The following AMELY variants were observed in gnomAD, a reference collection of about 807,000 sequenced individuals.
AMELY encodes amelogenin Y-linked.
A neutral mutation model predicts 4.2 loss-of-function variants in AMELY; 4 were observed. The observed-to-expected ratio is 0.96, with a 90% CI of 0.47 to 2.19. The LOEUF (loss-of-function observed/expected upper bound fraction) is 2.19, where lower values mean the gene tolerates loss of function less well. AMELY is among the 30% of genes most tolerant of loss of function. AMELY has a pLI of 0.02. For missense variants in AMELY, 32 were observed against 41.5 expected (o/e 0.77, Z 0.63); for synonymous variants, 11 against 14.7 (o/e 0.75, Z 0.57).
At chrY:6,873,019 A>T in intron 2 of AMELY, among the ~76,000 whole-genome samples, 2 of 33,250 alleles carry the variant, frequency 6.0e-5, no homozygotes, top group Non-Finnish European at 1.5e-4. Context: ...ATTACTACAT[A>T]GCATTTTATT....
chrY:6,910,519 GC>G (rs2011682604), intron 1 of AMELY, among the ~76,000 whole-genome samples: 10 of 32,743 alleles, frequency 3.1e-4, no homozygotes, highest in Non-Finnish European at 6.0e-4. Flanking sequence ...CCCTCAGCTG[GC>G]TGTTGGGGAG....
chrY:6,904,787 GC>G (rs2011658414), intron 1 of AMELY, among the ~76,000 whole-genome samples: 1 of 33,566 alleles, frequency 3.0e-5, no homozygotes, highest in Non-Finnish European at 7.3e-5. Flanking sequence ...GGCTCAGAAA[GC>G]ACCCAGTTCA....
chrY:6,884,115 T>TA (rs2054077096), intron 1 of AMELY, among the ~76,000 whole-genome samples: 1 of 31,871 alleles, frequency 3.1e-5, no homozygotes, highest in Non-Finnish European at 7.6e-5. Flanking sequence ...TATGCAGCCA[T>TA]AAAAAAAGGA....
At chrY:6,883,490 G>C (rs760180789) in intron 1 of AMELY, among the ~76,000 whole-genome samples, 1 of 32,565 alleles carries the variant, frequency 3.1e-5, no homozygotes, top group South Asian at 7.1e-4. Context: ...ATCTAATGTA[G>C]GTGATGAGTT....
intron 1 of AMELY, among the ~76,000 whole-genome samples, chrY:6,896,741 G>A: frequency 6.0e-5 from 2 of 33,450 alleles, no homozygotes. Context: ...GGAACCTGAG[G>A]TGAGAGGATT....
At chrY:6,876,141 T>A (rs2054071730) in intron 1 of AMELY, among the ~76,000 whole-genome samples, 1 of 33,363 alleles carries the variant, frequency 3.0e-5, no homozygotes, top group African/African-American at 1.2e-4. Flanking sequence ...AGTCTTAACA[T>A]ATGGATAACT....
chrY:6,896,061 A>T, intron 1 of AMELY, among the ~76,000 whole-genome samples: 2 of 33,129 alleles, frequency 6.0e-5, no homozygotes. Flanking sequence ...TTTGTCTGTT[A>T]TTGGTGTATA....
At chrY:6,899,918 A>G in intron 1 of AMELY, among the ~76,000 whole-genome samples, 1 of 31,376 alleles carries the variant, frequency 3.2e-5, no homozygotes, top group Non-Finnish European at 7.7e-5. Context: ...GATGGTGTTC[A>G]CCTGTTATCC....
intron 1 of AMELY, among the ~76,000 whole-genome samples, chrY:6,901,717 G>A (rs1053583307): frequency 1.5e-4 from 5 of 33,365 alleles, no homozygotes; most frequent in Admixed American, 8.3e-4. Context: ...TAGGCCCTTT[G>A]CAGGCTGAGG....
chrY:6,904,424 C>T (rs2011657506), intron 1 of AMELY, among the ~76,000 whole-genome samples: 1 of 33,486 alleles, frequency 3.0e-5, no homozygotes, highest in African/African-American at 1.2e-4. Flanking sequence ...CAAAGTTCTG[C>T]CCACTGGGAA....
intron 1 of AMELY, among the ~76,000 whole-genome samples, chrY:6,885,919 G>T: frequency 2.9e-5 from 1 of 34,350 alleles, no homozygotes; most frequent in Admixed American, 2.6e-4. Flanking sequence ...CACCTATCAG[G>T]TACTATGCTC....
intron 1 of AMELY, among the ~76,000 whole-genome samples, chrY:6,893,674 C>T (rs2054084781): frequency 3.0e-5 from 1 of 33,036 alleles, no homozygotes; most frequent in Non-Finnish European, 7.4e-5. Flanking sequence ...TTAGACACTC[C>T]AGGAGCCAGA....
chrY:6,895,208 A>G (rs2054085526), intron 1 of AMELY, among the ~76,000 whole-genome samples: 1 of 33,992 alleles, frequency 2.9e-5, no homozygotes, highest in Non-Finnish European at 7.3e-5. Context: ...TGAGGAATCA[A>G]CAATTTTATT....
intron 4 of AMELY, among the ~76,000 whole-genome samples, chrY:6,869,472 T>C (rs2054065744): frequency 3.1e-5 from 1 of 31,936 alleles, no homozygotes; most frequent in African/African-American, 1.2e-4. Flanking sequence ...TAATACAGCA[T>C]GTAATCAATA....
intron 1 of AMELY, among the ~76,000 whole-genome samples, chrY:6,898,290 G>A (rs1603023015): frequency 3.0e-5 from 1 of 33,339 alleles, no homozygotes; most frequent in East Asian, 8.0e-4. Flanking sequence ...TACATATAAA[G>A]GCATTCAGTT....
rs72617688 is a variant in AMELY, at chrY:6,911,568, C to G, written c.-113+105G>C. Among the ~76,000 whole-genome samples, 172 of 34,663 alleles carry G rather than the reference C, an allele frequency of 5.0e-3. No homozygotes were observed. The East Asian group carries it at 0.12, about 25-fold the overall frequency. 93.0% of individuals were successfully genotyped at this position (34,663 alleles called of 37,273 possible). A position where few individuals can be genotyped will look rare whatever the true frequency, so the allele number is the denominator to read the frequency against. ...AAGGAATTCGGAAGCTCCCCTCCCC[C>G]GCCCATCTCTCTGGCCCCAGCGCGC... On this transcript the variant is annotated intron_variant, in intron 1 of 6. Coordinates refer to ENST00000651267, the MANE Select transcript of AMELY (RefSeq NM_001143.2).
chrY:6,904,607 C>T (rs749624518), intron 1 of AMELY, among the ~76,000 whole-genome samples: 1 of 33,657 alleles, frequency 3.0e-5, no homozygotes, highest in South Asian at 6.7e-4. Context: ...GATATCATTG[C>T]AGGACGGGGG....
intron 1 of AMELY, among the ~76,000 whole-genome samples, chrY:6,904,883 G>A: frequency 5.9e-5 from 2 of 33,629 alleles, no homozygotes; most frequent in Admixed American, 5.4e-4. Context: ...TAAGCCAAGA[G>A]CTATCGCTCA....
chrY:6,902,965 C>G (rs2011653716), intron 1 of AMELY, among the ~76,000 whole-genome samples: 1 of 32,771 alleles, frequency 3.1e-5, no homozygotes, highest in East Asian at 8.1e-4. Context: ...ATCCGCCTGC[C>G]TTAGCCTCCT....
Sources: allele counts gnomAD v4.1 joint callset (sites outside exome capture counted in the v4.1 genomes callset), GRCh38; gene constraint gnomAD v4.1.1; transcripts MANE v1.5; gene names NCBI Gene and HGNC (gene_info 2026-07-23, HGNC 2026-07-21).